The following CYTH3 variants were observed in gnomAD, a reference collection of about 807,000 sequenced individuals.
CYTH3 encodes cytohesin-3.
Under a neutral mutation model 55.1 loss-of-function variants are expected in CYTH3, and 23 were observed. That is an observed-to-expected ratio of 0.42 (90% CI 0.30 to 0.59). The LOEUF is 0.59. CYTH3 is among the 20% of genes least tolerant of loss of function. The pLI is 0.20. For missense variants in CYTH3, 413 were observed against 524.8 expected, an observed-to-expected ratio of 0.79 and a Z score of 2.08; for synonymous variants, 249 against 194.9, an observed-to-expected ratio of 1.28 and a Z score of -2.31.
At chr7:6,196,053 C>T (rs1045505529) in intron 1 of CYTH3, among the ~76,000 whole-genome samples, 2 of 152,156 alleles carry the variant, frequency 1.3e-5, no homozygotes, top group African/African-American at 4.8e-5. Context: ...GTCTCTTTCT[C>T]GCTCTAGGCT....
At chr7:6,173,183 G>A (rs951108610) in intron 6 of CYTH3, 4 of 510,752 alleles carry the variant, frequency 7.8e-6, no homozygotes, top group South Asian at 6.9e-5. Context: ...GGAAGACAAC[G>A]TGCAGGAAGG....
At chr7:6,242,526 G>C (rs746244784) in intron 1 of CYTH3, among the ~76,000 whole-genome samples, 2 of 149,648 alleles carry the variant, frequency 1.3e-5, no homozygotes, top group East Asian at 2.0e-4. Flanking sequence ...ACAGGCACTC[G>C]TCACCACACC....
Position 6,169,786 on chromosome 7 carries a change from C to T in CYTH3, c.823+749G>A, listed in dbSNP as rs960206324. Among the ~76,000 whole-genome samples, 84 of 152,158 alleles carry T rather than the reference C, an allele frequency of 5.5e-4. No homozygotes were observed. The highest frequency in any genetic ancestry group is 2.0e-4 in the Admixed American group (3 of 15,266). The stretch of plus-strand genomic sequence containing the variant: ...GTTAGTATGGGGTGGAGGGTGACGC[C>T]GCAGGGACAGGGCTGGCTGTCTGCT... On this transcript the variant is annotated intron_variant, in intron 9 of 12. Transcript: ENST00000350796. This position sits in a 1 kb window ranked among gnomAD's most constrained non-coding sequence, Gnocchi z 4.1.
At chr7:6,255,758 GTTTTTTTTTTT>G (rs397889923) in intron 1 of CYTH3, among the ~76,000 whole-genome samples, 1 of 89,404 alleles carries the variant, frequency 1.1e-5, no homozygotes, top group Non-Finnish European at 2.1e-5. Context: ...CCTTTAATCT[GTTTTTTTTTTT>G]TTTTTTTTTT....
intron 1 of CYTH3, among the ~76,000 whole-genome samples, chr7:6,250,511 C>T (rs572301654): frequency 6.6e-6 from 1 of 152,174 alleles, no homozygotes; most frequent in African/African-American, 2.4e-5. Context: ...GACACTGACA[C>T]TGAATCGAGC....
chr7:6,213,195 T>TA (rs1784359271), intron 1 of CYTH3, among the ~76,000 whole-genome samples: 3 of 152,326 alleles, frequency 2.0e-5, no homozygotes, highest in Admixed American at 2.0e-4. Context: ...TCTGCTGAAT[T>TA]ATCAGACTAC....
At chr7:6,197,904 C>T (rs1440925384) in intron 1 of CYTH3, among the ~76,000 whole-genome samples, 2 of 151,828 alleles carry the variant, frequency 1.3e-5, no homozygotes, top group Admixed American at 1.3e-4. Flanking sequence ...CTAGCCTGGG[C>T]AACACAAAGA....
At chr7:6,187,899 A>C (rs1216463725) in intron 2 of CYTH3, among the ~76,000 whole-genome samples, 178 bp from the exon 3 acceptor site, 2 of 152,156 alleles carry the variant, frequency 1.3e-5, no homozygotes, top group Admixed American at 6.5e-5. Context: ...AGCCACCACA[A>C]CTTAGGAGAA....
intron 1 of CYTH3, among the ~76,000 whole-genome samples, chr7:6,247,814 CA>C (rs1779859776): frequency 6.6e-6 from 1 of 151,888 alleles, no homozygotes; most frequent in African/African-American, 2.4e-5. Flanking sequence ...CACACCTGGC[CA>C]AATTTTTCTT....
intron 1 of CYTH3, among the ~76,000 whole-genome samples, chr7:6,233,036 G>A (rs1053486562): frequency 6.6e-6 from 1 of 152,012 alleles, no homozygotes; most frequent in Non-Finnish European, 1.5e-5. Flanking sequence ...TCAGCCTCCT[G>A]GTATCACAGG....
At chr7:6,259,778 ATATATAATATATATAT>A (rs1562417602) in intron 1 of CYTH3, among the ~76,000 whole-genome samples, 83 of 20,028 alleles carry the variant, frequency 4.1e-3, no homozygotes, top group South Asian at 0.013. Context: ...TATATTATAT[ATATATAATATATATAT>A]ATATATATAT....
At chr7:6,250,860 G>A (rs1420696401) in intron 1 of CYTH3, among the ~76,000 whole-genome samples, 1 of 152,190 alleles carries the variant, frequency 6.6e-6, no homozygotes, top group Non-Finnish European at 1.5e-5. Flanking sequence ...AAGAGAATAG[G>A]TGCTTTATTA....
At chr7:6,235,858 A>AAAAAC (rs758116783) in intron 1 of CYTH3, among the ~76,000 whole-genome samples, 199 of 152,348 alleles carry the variant, frequency 1.3e-3, no homozygotes, top group Admixed American at 2.9e-3. Context: ...CTCCCGCTAT[A>AAAAAC]AAAACAAAAC....
chr7:6,180,335 T>A (rs1562882055), intron 4 of CYTH3, among the ~76,000 whole-genome samples: 2 of 152,316 alleles, frequency 1.3e-5, no homozygotes, highest in Middle Eastern at 3.4e-3. Context: ...GAGAATGCTA[T>A]CTGGCAGGTG....
At chr7:6,226,472 G>C (rs960735126) in intron 1 of CYTH3, among the ~76,000 whole-genome samples, 16 of 152,196 alleles carry the variant, frequency 1.1e-4, no homozygotes, top group Admixed American at 3.9e-4. Flanking sequence ...GGCGAGGCAG[G>C]CAAGCTGGAG....
chr7:6,205,702 C>G (rs902696489), intron 1 of CYTH3, among the ~76,000 whole-genome samples: 4 of 151,362 alleles, frequency 2.6e-5, no homozygotes, highest in African/African-American at 9.7e-5. Flanking sequence ...TATAGCAAGG[C>G]CCTGTCTGAA....
rs376990223 is a variant in CYTH3, at chr7:6,167,895, G to T, written c.824-2085C>A. Reference sequence around the variant, plus strand: ...CTCTCAGCTCCACCTTGGGTCCCCCGCTCACACCTCCCATGCAGAGCCCCA... The same window carrying T: ...CTCTCAGCTCCACCTTGGGTCCCCCTCTCACACCTCCCATGCAGAGCCCCA... On this transcript the variant is annotated intron_variant, in intron 9 of 12. Coordinates refer to ENST00000350796, the MANE Select transcript of CYTH3 (RefSeq NM_004227.4). This position sits in a 1 kb window ranked among gnomAD's most constrained non-coding sequence, Gnocchi z 5.5. Among the ~76,000 whole-genome samples, 1 of 152,152 alleles carries T rather than the reference G, an allele frequency of 6.6e-6. No individual in the cohort carries two copies. Among genetic ancestry groups the T allele is most frequent in the Middle Eastern group, 3.2e-3 (1 of 316 alleles).
At chr7:6,240,443 T>C (rs1308323483) in intron 1 of CYTH3, among the ~76,000 whole-genome samples, 1 of 151,346 alleles carries the variant, frequency 6.6e-6, no homozygotes, top group Non-Finnish European at 1.5e-5. Flanking sequence ...GGGGAGGAGA[T>C]TAACCCTAAC....
chr7:6,177,792 A>C (rs1181144108), intron 5 of CYTH3, 31 bp downstream of exon 5: 1 of 1,544,010 alleles, frequency 6.5e-7, no homozygotes, highest in Non-Finnish European at 9.0e-7. Flanking sequence ...GAGTGGCCCC[A>C]GGTAGGGCTT....
Sources: gnomAD v4.1 joint callset for allele counts (sites outside exome capture counted in the v4.1 genomes callset) on GRCh38, gnomAD v4.1.1 for gene constraint, Gnocchi (gnomAD v3.1) non-coding constraint, MANE v1.5 for transcripts, NCBI Gene and HGNC (gene_info 2026-07-23, HGNC 2026-07-21) for gene names.